The following STEAP2 variants were observed in gnomAD, a reference collection of about 807,000 sequenced individuals.
STEAP2 encodes metalloreductase STEAP2.
Under a neutral mutation model 46.4 loss-of-function variants are expected in STEAP2, and 30 were observed. That is an observed-to-expected ratio of 0.65 (90% CI 0.48 to 0.88). The LOEUF (loss-of-function observed/expected upper bound fraction) is 0.88, where lower values mean the gene tolerates loss of function less well. STEAP2 is among the 40% of genes least tolerant of loss of function. The pLI is 0.00. For synonymous variants in STEAP2, 180 were observed against 200.5 expected, an observed-to-expected ratio of 0.90 and a Z score of 0.86; for missense variants, 513 against 579.3, an observed-to-expected ratio of 0.89 and a Z score of 1.18.
Position 90,225,359 on chromosome 7 carries a change from A to G in STEAP2, c.277A>G (p.Ile93Val), listed in dbSNP as rs772688274. 2.0e-5 allele frequency: 33 copies of G among 1,613,784 alleles called. No homozygotes were observed. Among genetic ancestry groups the G allele is most frequent in the Non-Finnish European group, 2.8e-5 (33 of 1,179,928 alleles). Reference protein sequence around the residue: ...LTKTNIIFVAIHREHYTSLWD... With the variant: ...LTKTNIIFVAVHREHYTSLWD... ...AAAAACAAATATAATATTTGTTGCTATACACAGAGAACATTATACCTCCCT... is the reference window on the plus strand; with the variant it reads ...AAAAACAAATATAATATTTGTTGCTGTACACAGAGAACATTATACCTCCCT... The change falls in exon 3 of 6, where the codon ATA becomes GTA. Residue 93 changes from isoleucine to valine, a missense_variant. Physicochemically the swap from Ile to Val is conservative, Grantham distance 29. Coordinates refer to ENST00000394621, the MANE Select transcript of STEAP2 (RefSeq NM_001244944.2).
At chr7:90,219,760 C>T (rs1434190667) in intron 2 of STEAP2, among the ~76,000 whole-genome samples, 1 of 152,120 alleles carries the variant, frequency 6.6e-6, no homozygotes, top group Admixed American at 6.5e-5. Flanking sequence ...CAGGGTCTTG[C>T]TCTGTTGCCC....
chr7:90,239,755 G>A (rs923725758), downstream of STEAP2, among the ~76,000 whole-genome samples: 1 of 151,920 alleles, frequency 6.6e-6, no homozygotes, highest in Non-Finnish European at 1.5e-5. Context: ...AGTAGTTCCT[G>A]CAGCTTCCTA....
In STEAP2 at chr7:90,236,527, C is replaced by T. The variant is rs1795965908; in HGVS notation, c.*3903C>T. On this transcript the variant is annotated 3_prime_UTR_variant, in exon 6 of 6. Transcript: ENST00000394621. ...ATGTACATTCAGGACAAATGATTAGCCCTAAATGAAACTGTAATAATTTCA... is the reference window on the plus strand; with the variant it reads ...ATGTACATTCAGGACAAATGATTAGTCCTAAATGAAACTGTAATAATTTCA... 1 of 1,031,432 alleles carries T rather than the reference C, an allele frequency of 9.7e-7. No individual in the cohort carries two copies. Among genetic ancestry groups the T allele is most frequent in the Non-Finnish European group, 1.2e-6 (1 of 858,556 alleles). 63.9% of individuals were successfully genotyped at this position (1,031,432 alleles called of 1,614,324 possible). A position where few individuals can be genotyped will look rare whatever the true frequency, so the allele number is the denominator to read the frequency against.
chr7:90,219,684 A>T (rs1045635557), intron 2 of STEAP2, among the ~76,000 whole-genome samples: 3 of 151,670 alleles, frequency 2.0e-5, no homozygotes, highest in Admixed American at 1.3e-4. Flanking sequence ...TGTTTTTTTT[A>T]TGAGTTGTTA....
chr7:90,213,643 G>A (rs778611878), intron 1 of STEAP2, among the ~76,000 whole-genome samples: 1 of 152,168 alleles, frequency 6.6e-6, no homozygotes, highest in Non-Finnish European at 1.5e-5. Context: ...CCATAACAAA[G>A]AATTTTTATT....
chr7:90,217,412 C>G (rs1244824348), intron 2 of STEAP2, among the ~76,000 whole-genome samples: 3 of 152,114 alleles, frequency 2.0e-5, no homozygotes, highest in Admixed American at 2.0e-4. Context: ...CCCCTCCTCC[C>G]ATCAACACAT....
chr7:90,215,656 T>A (rs960863294), intron 1 of STEAP2: 3 of 152,224 alleles, frequency 2.0e-5, no homozygotes, highest in African/African-American at 7.2e-5. Flanking sequence ...TATAACCTAT[T>A]TGTTTGCTGT....
In STEAP2 at chr7:90,236,319, C is replaced by T. The variant is rs557258674; in HGVS notation, c.*3695C>T. The T allele has an allele frequency of 1.0e-6, 1 of 978,256 alleles. No individual in the cohort carries two copies. 60.6% of individuals were successfully genotyped at this position (978,256 alleles called of 1,614,324 possible). On this transcript the variant is annotated 3_prime_UTR_variant, in exon 6 of 6. Transcript: ENST00000394621. ...AACACTGAACTAATTATTCCTGTGT[C>T]AGTCTATGAAATCCCTGTTTTGAAA...
chr7:90,242,259 G>T (rs1344027983), downstream of STEAP2, among the ~76,000 whole-genome samples: 2 of 152,160 alleles, frequency 1.3e-5, no homozygotes, highest in African/African-American at 4.8e-5. Context: ...GGGGCAGAAT[G>T]AATATATAGG....
At position 90,235,633 on chromosome 7, in the gene STEAP2, TA is replaced by T. The variant is rs898363473; in HGVS notation, c.*3011del. On this transcript the variant is annotated 3_prime_UTR_variant, in exon 6 of 6. Transcript: ENST00000394621. Reference sequence around the variant, plus strand: ...ATCCTATGCAAAAAAAAAAATCAAGTAATTGTTTTCCTATGAGGAAAATAAC... The same window carrying T: ...ATCCTATGCAAAAAAAAAAATCAAGTATTGTTTTCCTATGAGGAAAATAAC... The T allele has an allele frequency of 3.3e-4, 317 of 971,914 alleles. 3 individuals carry two copies. The African/African-American group carries it at 4.7e-3, about 14-fold the overall frequency. 60.2% of individuals were successfully genotyped at this position (971,914 alleles called of 1,614,324 possible).
intron 2 of STEAP2, 98 bp from the exon 3 acceptor site, chr7:90,224,952 A>G: frequency 9.7e-7 from 1 of 1,029,238 alleles, no homozygotes; most frequent in Non-Finnish European, 1.4e-6. Flanking sequence ...GTGTGGTGAA[A>G]TATTTTACCT....
downstream of STEAP2, among the ~76,000 whole-genome samples, chr7:90,243,097 A>C (rs1796083436): frequency 6.6e-6 from 1 of 152,220 alleles, no homozygotes; most frequent in Non-Finnish European, 1.5e-5. Flanking sequence ...TACTCTCAAC[A>C]AAACTTGGTC....
chr7:90,232,371 C>T lies in STEAP2; in HGVS notation c.1220C>T (p.Thr407Ile), dbSNP rs769778661. The T allele has an allele frequency of 1.2e-6, 2 of 1,612,940 alleles. No individual in the cohort carries two copies. Among genetic ancestry groups the T allele is most frequent in the Non-Finnish European group, 8.5e-7 (1 of 1,179,354 alleles). The change falls in exon 6 of 6, where the codon ACT becomes ATT. Residue 407 changes from threonine to isoleucine, a missense_variant. By Grantham distance (89) the Thr-to-Ile change is moderately conservative. Coordinates refer to ENST00000394621, the MANE Select transcript of STEAP2 (RefSeq NM_001244944.2). Reference sequence around the variant, plus strand: ...GGATATGTCGCTCTGCTCATAAGTACTTTCCATGTTTTAATTTATGGATGG... The same window carrying T: ...GGATATGTCGCTCTGCTCATAAGTATTTTCCATGTTTTAATTTATGGATGG... ...TLGYVALLIS[T>I]FHVLIYGWKR...
downstream of STEAP2, among the ~76,000 whole-genome samples, chr7:90,242,906 G>A (rs1056108465): frequency 2.6e-5 from 4 of 152,212 alleles, no homozygotes; most frequent in East Asian, 1.9e-4. Flanking sequence ...CAAGGGGGTT[G>A]TAAAAAGAGG....
Position 90,234,439 on chromosome 7 carries a change from G to A in STEAP2, c.*1815G>A. ...ATAAAAAGACTTTTATTTAGTAGAGGCTACCTTTCCCACCAGTGACTCTTT... is the reference window on the plus strand; with the variant it reads ...ATAAAAAGACTTTTATTTAGTAGAGACTACCTTTCCCACCAGTGACTCTTT... On this transcript the variant is annotated 3_prime_UTR_variant, in exon 6 of 6. Transcript: ENST00000394621. 1 of 985,008 alleles carries A rather than the reference G, an allele frequency of 1.0e-6. No individual in the cohort carries two copies. Among genetic ancestry groups the A allele is most frequent in the South Asian group, 4.7e-5 (1 of 21,258 alleles). The allele number at this position is 985,008 out of a possible 1,614,324, so 61.0% of individuals were successfully genotyped here. A position where few individuals can be genotyped will look rare whatever the true frequency, so the allele number is the denominator to read the frequency against.
intron 2 of STEAP2, among the ~76,000 whole-genome samples, chr7:90,217,412 C>T (rs1244824348): frequency 6.6e-6 from 1 of 152,114 alleles, no homozygotes; most frequent in African/African-American, 2.4e-5. Context: ...CCCCTCCTCC[C>T]ATCAACACAT....
At chr7:90,239,316 C>T (rs1014291464), downstream of STEAP2, among the ~76,000 whole-genome samples, 5 of 152,142 alleles carry the variant, frequency 3.3e-5, no homozygotes, top group Non-Finnish European at 1.5e-5. Context: ...AGAGATGCCT[C>T]GAGATGAAAC....
chr7:90,239,663 T>C (rs1267825059), downstream of STEAP2, among the ~76,000 whole-genome samples: 1 of 152,212 alleles, frequency 6.6e-6, no homozygotes, highest in Non-Finnish European at 1.5e-5. Flanking sequence ...GTCATGGAAC[T>C]GAAGCTTTGG....
chr7:90,225,263 A>T lies in STEAP2; in HGVS notation c.181A>T (p.Arg61Ter). The change falls in exon 3 of 6, where the codon AGA becomes TGA. Residue 61 changes from arginine to a stop codon, truncating the protein, a stop_gained. Coordinates refer to ENST00000394621, the MANE Select transcript of STEAP2 (RefSeq NM_001244944.2). LOFTEE classifies it high-confidence loss of function. ...RCGYHVVIGS[R>*]NPKFASEFFP... ...CGGCTATCATGTGGTCATAGGAAGT[A>T]GAAATCCTAAGTTTGCTTCTGAATT... The T allele has an allele frequency of 6.2e-7, 1 of 1,614,058 alleles. No individual in the cohort carries two copies. The highest frequency in any genetic ancestry group is 8.5e-7 in the Non-Finnish European group (1 of 1,179,976).
Sources: gnomAD v4.1 joint callset for allele counts (sites outside exome capture counted in the v4.1 genomes callset) on GRCh38, gnomAD v4.1.1 for gene constraint, MANE v1.5 for transcripts, NCBI Gene and HGNC (gene_info 2026-07-23, HGNC 2026-07-21) for gene names.